The following NPR3 variants were observed in gnomAD, a reference collection of about 807,000 sequenced individuals.
NPR3 encodes the protein natriuretic peptide receptor 3.
A neutral mutation model predicts 54.5 loss-of-function variants in NPR3; 34 were observed. That is an observed-to-expected ratio of 0.62 (90% CI 0.47 to 0.83). The LOEUF is 0.83. Ranked by LOEUF, NPR3 falls within the 40% of genes least tolerant of loss-of-function variation. The pLI is 0.00. For synonymous variants in NPR3, 289 were observed against 297.1 expected, an observed-to-expected ratio of 0.97 and a Z score of 0.28; for missense variants, 674 against 720.8, an observed-to-expected ratio of 0.94 and a Z score of 0.74.
intron 1 of NPR3, among the ~76,000 whole-genome samples, chr5:32,693,547 G>A (rs1039842377): frequency 1.3e-5 from 2 of 152,122 alleles, no homozygotes; most frequent in Admixed American, 1.3e-4. Context: ...TTTTTATAAG[G>A]TGTTTTTGAA....
At chr5:32,781,785 C>T (rs1343156099) in intron 5 of NPR3, among the ~76,000 whole-genome samples, 1 of 152,046 alleles carries the variant, frequency 6.6e-6, no homozygotes, top group Non-Finnish European at 1.5e-5. Context: ...CATCAGAGTC[C>T]ATTGTGAGGT....
Position 32,738,966 on chromosome 5 carries a change from T to C in NPR3, c.995T>C (p.Phe332Ser). 1 of 1,613,978 alleles carries C rather than the reference T, an allele frequency of 6.2e-7. No homozygotes were observed. Among genetic ancestry groups the C allele is most frequent in the Non-Finnish European group, 8.5e-7 (1 of 1,179,858 alleles). ...VTLLRTVKPE[F>S]EKFSMEVKSS... is the part of the protein sequence containing the mutation. ...CTACTGAGGACAGTGAAACCTGAGT[T>C]TGAGAAGTTTTCCATGGAGGTGAAA... Residue 332 changes from phenylalanine (F) to serine (S), a missense_variant, in exon 3 of 8, where the codon TTT becomes TCT. By Grantham distance (155) the Phe-to-Ser change is radical (BLOSUM62 -2). Transcript: ENST00000265074.
Position 32,711,946 on chromosome 5 carries a change from T to C in NPR3, c.170T>C (p.Val57Ala), listed in dbSNP as rs1379073376. 3 of 1,555,006 alleles carry C rather than the reference T, an allele frequency of 1.9e-6. No homozygotes were observed. In the Admixed American group the frequency reaches 6.0e-5, roughly 31 times the overall value. The change falls in exon 1 of 8, where the codon GTG becomes GCG. Residue 57 changes from valine to alanine, a missense_variant. Transcript: ENST00000265074. ...ALPPQKIEVL[V>A]LLPQDDSYLF... ...CCGCCACAGAAGATCGAGGTGCTGG[T>C]GTTACTGCCCCAGGATGACTCGTAC...
At chr5:32,724,560 G>A (rs369209089) in intron 1 of NPR3, 138 bp from the exon 2 acceptor site, 2 of 958,480 alleles carry the variant, frequency 2.1e-6, no homozygotes. Flanking sequence ...TCCATTTGTA[G>A]TTAACAAGTG....
rs531322096 is a variant in NPR3 at position 32,695,425 on chromosome 5, C to T, written c.100+6239C>T. 3.7e-4 allele frequency among the ~76,000 whole-genome samples: 57 copies of T among 152,086 alleles called. 1 individual carries two copies. The South Asian group carries it at 0.01, about 27-fold the overall frequency. ...GACTACAGGTGCCCGCCACCACGCC[C>T]GCCCGGCTAATTTTTTGTACTTTTA... is the stretch of plus-strand genomic sequence containing the variant. On this transcript the variant is annotated intron_variant, in intron 1 of 5. Transcript: ENST00000509104.
chr5:32,728,291 C>T (rs927284647), intron 2 of NPR3, among the ~76,000 whole-genome samples: 5 of 151,816 alleles, frequency 3.3e-5, no homozygotes, highest in Non-Finnish European at 5.9e-5. Context: ...GGTGAAACCC[C>T]GTCTCTACTA....
chr5:32,692,083 A>G (rs1398096195), intron 1 of NPR3, among the ~76,000 whole-genome samples: 1 of 152,242 alleles, frequency 6.6e-6, no homozygotes, highest in Non-Finnish European at 1.5e-5. Context: ...CGAAGGGGCA[A>G]AGTAAAATAA....
upstream of NPR3, among the ~76,000 whole-genome samples, chr5:32,705,828 C>T (rs1014041161): frequency 1.3e-5 from 2 of 152,184 alleles, no homozygotes; most frequent in Non-Finnish European, 2.9e-5. Context: ...ATTGGTTCAG[C>T]TTCCACATTT....
At chr5:32,756,321 T>A (rs150946570) in intron 3 of NPR3, among the ~76,000 whole-genome samples, 17,813 of 152,234 alleles carry the variant, frequency 0.12, 1,227 homozygotes, top group African/African-American at 0.17. Flanking sequence ...GGTATCTCAT[T>A]GTGGTTTTGA....
intron 3 of NPR3, among the ~76,000 whole-genome samples, chr5:32,760,970 A>G (rs1049140937): frequency 4.6e-5 from 7 of 152,084 alleles, no homozygotes; most frequent in Admixed American, 4.6e-4. Flanking sequence ...TCAAAACTCA[A>G]GTGACTATTT....
At position 32,762,513 on chromosome 5, in the gene NPR3, G is replaced by A. The variant is rs535015243; in HGVS notation, c.1060-12195G>A. 1.7e-4 allele frequency among the ~76,000 whole-genome samples: 26 copies of A among 150,020 alleles called. 1 individual carries two copies. Among genetic ancestry groups the A allele is most frequent in the Middle Eastern group, 3.4e-3 (1 of 290 alleles). On this transcript the variant is annotated intron_variant, in intron 3 of 7. Transcript: ENST00000265074. ...AACTGGCGTGAGGTGGTATCTCATT[G>A]TGGTTTTGATTTGCATTTCTCTAAT...
In NPR3 at chr5:32,790,778, T is replaced by C. The variant is rs1742869931; in HGVS notation, c.*4433T>C. On this transcript the variant is annotated 3_prime_UTR_variant, in exon 8 of 8. Transcript: ENST00000265074. ...TGTCAGTGTTCAAGTTTTAAGTGAC[T>C]TCAAACACAATGGAAGTGTTTCAAT... 6.0e-6 allele frequency: 1 copy of C among 167,052 alleles called. No individual in the cohort carries two copies. The highest frequency in any genetic ancestry group is 1.5e-5 in the Non-Finnish European group (1 of 68,110). 10.3% of individuals were successfully genotyped at this position (167,052 alleles called of 1,614,324 possible).
Position 32,750,641 on chromosome 5 carries a change from G to A in NPR3, c.1059+11611G>A, listed in dbSNP as rs563799958. On this transcript the variant is annotated intron_variant, in intron 3 of 7. Transcript: ENST00000265074. ...ATTTTTTGTGGGGTGGAGGTGGGGT[G>A]GGGAATAATCTTATCAAAGCAGGGG... is the stretch of plus-strand genomic sequence containing the variant. 3.3e-5 allele frequency among the ~76,000 whole-genome samples: 5 copies of A among 152,194 alleles called. No homozygotes were observed. The East Asian group carries it at 9.6e-4, about 29-fold the overall frequency.
upstream of NPR3, chr5:32,710,912 G>GTGTGTT: frequency 5.6e-6 from 5 of 885,378 alleles, no homozygotes; most frequent in Non-Finnish European, 7.7e-6. Flanking sequence ...GTGTGTGTGT[G>GTGTGTT]TGTGTATGTG....
intron 4 of NPR3, among the ~76,000 whole-genome samples, chr5:32,779,845 C>T (rs535218772): frequency 6.6e-6 from 1 of 152,288 alleles, no homozygotes; most frequent in East Asian, 1.9e-4. Context: ...CAATTAACTT[C>T]CCTTAAATGT....
At chr5:32,713,214 A>G (rs1172887934) in intron 1 of NPR3, 1 of 985,284 alleles carries the variant, frequency 1.0e-6, no homozygotes, top group Non-Finnish European at 1.2e-6. Context: ...GTGTTCTGCA[A>G]CGCAGTTTCT....
chr5:32,750,205 T>G (rs918856890), intron 3 of NPR3, among the ~76,000 whole-genome samples: 2 of 152,176 alleles, frequency 1.3e-5, no homozygotes, highest in African/African-American at 2.4e-5. Context: ...CTCGGCTCAC[T>G]GCAACCTCCG....
intron 3 of NPR3, among the ~76,000 whole-genome samples, chr5:32,748,149 T>A (rs1740396795): frequency 6.6e-6 from 1 of 152,244 alleles, no homozygotes; most frequent in Admixed American, 6.5e-5. Context: ...CTTTGAATAC[T>A]AATTTTCCTC....
At chr5:32,715,293 A>G (rs1440591842) in intron 1 of NPR3, among the ~76,000 whole-genome samples, 1 of 152,246 alleles carries the variant, frequency 6.6e-6, no homozygotes, top group East Asian at 1.9e-4. Flanking sequence ...ATTAAGTATT[A>G]TGAATTAAAG....
Sources: gnomAD v4.1 joint callset for allele counts (sites outside exome capture counted in the v4.1 genomes callset) on GRCh38, gnomAD v4.1.1 for gene constraint, MANE v1.5 for transcripts, NCBI Gene and HGNC (gene_info 2026-07-23, HGNC 2026-07-21) for gene names.